Variants in CNTN5 observed in about 807,000 individuals in gnomAD.
CNTN5 encodes contactin-5.
Under a neutral mutation model 129.1 loss-of-function variants are expected in CNTN5, and 77 were observed. The observed-to-expected ratio is 0.60, with a 90% CI of 0.50 to 0.72. The LOEUF (loss-of-function observed/expected upper bound fraction) is 0.72, where lower values mean the gene tolerates loss of function less well. Among genes scored for constraint, CNTN5 ranks in the 30% least tolerant of loss-of-function variants. The pLI is 0.00. For synonymous variants in CNTN5, 509 were observed against 465.6 expected (o/e 1.09, Z -1.20); for missense variants, 1,478 against 1,328.8 (o/e 1.11, Z -1.75).
At chr11:99,565,113 C>G (rs186653661) in intron 3 of CNTN5, among the ~76,000 whole-genome samples, 2 of 152,012 alleles carry the variant, frequency 1.3e-5, no homozygotes, top group Non-Finnish European at 2.9e-5. Context: ...GCTTAAAGAA[C>G]AATAACCCAA....
At chr11:99,798,172 A>G (rs1051769645) in intron 3 of CNTN5, among the ~76,000 whole-genome samples, 2 of 151,940 alleles carry the variant, frequency 1.3e-5, no homozygotes, top group Admixed American at 6.6e-5. Flanking sequence ...ATGTGTTCTC[A>G]TCATTTGGAT....
chr11:100,326,320 A>G lies in CNTN5; in HGVS notation c.2731-14143A>G, dbSNP rs186413772. On this transcript the variant is annotated intron_variant, in intron 21 of 24. Coordinates refer to ENST00000524871, the MANE Select transcript of CNTN5 (RefSeq NM_014361.4). ...GGAACAAAAGGAATAACAGAAAAAA[A>G]GTGAACAAAACTCCAAAAACAAAGC... is the stretch of plus-strand genomic sequence containing the variant. 1.8e-3 allele frequency among the ~76,000 whole-genome samples: 276 copies of G among 152,342 alleles called. 2 individuals are homozygous for G. Among genetic ancestry groups the G allele is most frequent in the Admixed American group, 5.9e-3 (90 of 15,306 alleles).
chr11:99,469,093 A>G (rs920945951), intron 2 of CNTN5, among the ~76,000 whole-genome samples: 1 of 151,888 alleles, frequency 6.6e-6, no homozygotes, highest in Non-Finnish European at 1.5e-5. Flanking sequence ...TAGTACTGGT[A>G]AAAGAAAAGA....
chr11:99,025,427 G>A (rs1351530155), intron 1 of CNTN5, among the ~76,000 whole-genome samples: 3 of 151,730 alleles, frequency 2.0e-5, no homozygotes, highest in Non-Finnish European at 4.4e-5. Flanking sequence ...TTTATGAAGG[G>A]CGTAGAGATG....
chr11:99,033,879 C>T (rs1229797758), intron 1 of CNTN5, among the ~76,000 whole-genome samples: 2 of 150,764 alleles, frequency 1.3e-5, no homozygotes, highest in Admixed American at 1.3e-4. Context: ...AGTTTTTGCC[C>T]ATTCAGTATG....
intron 1 of CNTN5, among the ~76,000 whole-genome samples, chr11:99,136,287 T>C (rs1345298538): frequency 1.3e-5 from 2 of 152,140 alleles, no homozygotes; most frequent in African/African-American, 4.8e-5. Flanking sequence ...GAATCCCAGA[T>C]TGTATTTCTA....
intron 9 of CNTN5, among the ~76,000 whole-genome samples, chr11:100,042,672 C>G (rs1036175918): frequency 2.0e-5 from 3 of 152,164 alleles, no homozygotes; most frequent in African/African-American, 7.2e-5. Context: ...AAAGTTCATC[C>G]AACACTTTCC....
chr11:99,478,092 A>C (rs1237455635), intron 2 of CNTN5, among the ~76,000 whole-genome samples: 1 of 152,022 alleles, frequency 6.6e-6, no homozygotes, highest in African/African-American at 2.4e-5. Context: ...GCTGTAACAC[A>C]TTTTCACAAA....
At chr11:99,161,154 G>C (rs1311682696) in intron 1 of CNTN5, among the ~76,000 whole-genome samples, 1 of 152,034 alleles carries the variant, frequency 6.6e-6, no homozygotes, top group African/African-American at 2.4e-5. Flanking sequence ...CATTAATTTA[G>C]TTAATATTTG....
intron 8 of CNTN5, among the ~76,000 whole-genome samples, chr11:99,984,211 A>T (rs1218867212): frequency 1.3e-5 from 2 of 152,112 alleles, no homozygotes; most frequent in Non-Finnish European, 1.5e-5. Context: ...AAGGAGGTGG[A>T]GGCTGCAGTG....
chr11:99,769,789 C>A (rs115562462), intron 3 of CNTN5, among the ~76,000 whole-genome samples: 2 of 142,494 alleles, frequency 1.4e-5, no homozygotes, highest in African/African-American at 5.2e-5. Context: ...GCACTCCAGA[C>A]TGGGCAATAG....
chr11:99,499,084 G>A (rs1946334029), intron 2 of CNTN5, among the ~76,000 whole-genome samples: 1 of 152,092 alleles, frequency 6.6e-6, no homozygotes. Context: ...CATTTTATCA[G>A]ATAGAAGATA....
chr11:100,144,711 T>G (rs1307378764), intron 13 of CNTN5, among the ~76,000 whole-genome samples: 1 of 146,910 alleles, frequency 6.8e-6, no homozygotes, highest in Admixed American at 7.1e-5. Context: ...ATGCTTTCTT[T>G]TCTTCAGCCT....
chr11:99,675,526 A>G (rs1014673716), intron 3 of CNTN5, among the ~76,000 whole-genome samples: 2 of 152,108 alleles, frequency 1.3e-5, no homozygotes, highest in East Asian at 1.9e-4. Context: ...CTGCTAAAAT[A>G]TAAAAGATAT....
At position 99,577,656 on chromosome 11, in the gene CNTN5, A is replaced by G. The variant is rs969304512; in HGVS notation, c.55+21387A>G. ...TTTCTAGAGTAATAAAATAAAAAATACAGTGTTTAAAAGAGTTTGTGGGAC... is the reference window on the plus strand; with the variant it reads ...TTTCTAGAGTAATAAAATAAAAAATGCAGTGTTTAAAAGAGTTTGTGGGAC... On this transcript the variant is annotated intron_variant, in intron 3 of 24. Coordinates refer to ENST00000524871, the MANE Select transcript of CNTN5 (RefSeq NM_014361.4). Among the ~76,000 whole-genome samples the G allele has an allele frequency of 3.3e-5, 5 of 152,168 alleles. No individual in the cohort carries two copies. In the South Asian group the frequency reaches 6.2e-4, roughly 19 times the overall value.
chr11:100,170,224 T>A (rs1565310039), intron 13 of CNTN5, among the ~76,000 whole-genome samples: 2 of 152,038 alleles, frequency 1.3e-5, no homozygotes, highest in Non-Finnish European at 2.9e-5. Flanking sequence ...AATAGATTAT[T>A]CAGACAGATT....
intron 2 of CNTN5, among the ~76,000 whole-genome samples, chr11:99,417,571 G>A (rs1942714149): frequency 6.6e-6 from 1 of 151,962 alleles, no homozygotes; most frequent in South Asian, 2.1e-4. Flanking sequence ...ATTGTGTTGA[G>A]TTGAAGTGCT....
At chr11:99,583,600 C>T (rs1390863664) in intron 3 of CNTN5, among the ~76,000 whole-genome samples, 1 of 152,220 alleles carries the variant, frequency 6.6e-6, no homozygotes, top group East Asian at 1.9e-4. Context: ...GAGCGAGGCT[C>T]CGTGGGTGTA....
At chr11:99,520,986 T>C (rs1947255149) in intron 2 of CNTN5, among the ~76,000 whole-genome samples, 1 of 152,118 alleles carries the variant, frequency 6.6e-6, no homozygotes, top group South Asian at 2.1e-4. Flanking sequence ...GCGGTTTATA[T>C]AGCTCCTTCA....
Sources: allele counts gnomAD v4.1 joint callset (sites outside exome capture counted in the v4.1 genomes callset), GRCh38; gene constraint gnomAD v4.1.1; transcripts MANE v1.5; gene names NCBI Gene and HGNC (gene_info 2026-07-23, HGNC 2026-07-21).